ZNHIT6: variants seen among roughly 807,000 people sequenced by gnomAD.
ZNHIT6 encodes the protein zinc finger HIT-type containing 6.
In ZNHIT6, 45 loss-of-function variants were observed where a neutral mutation model predicts 57.2. That is an observed-to-expected ratio of 0.79 (90% CI 0.62 to 1.01). The LOEUF (loss-of-function observed/expected upper bound fraction) is 1.01, where lower values mean the gene tolerates loss of function less well. ZNHIT6 is among the 50% of genes least tolerant of loss of function. The pLI is 0.00. For synonymous variants in ZNHIT6, 188 were observed against 190.0 expected, an observed-to-expected ratio of 0.99 and a Z score of 0.09; for missense variants, 528 against 567.3, an observed-to-expected ratio of 0.93 and a Z score of 0.70.
At chr1:85,689,144 GA>G (rs1360938852) in intron 5 of ZNHIT6, among the ~76,000 whole-genome samples, 1 of 151,918 alleles carries the variant, frequency 6.6e-6, no homozygotes, top group Non-Finnish European at 1.5e-5. Context: ...GAAATTTCAG[GA>G]AAAAAATTTG....
At chr1:85,670,530 C>T (rs1435585503) in intron 8 of ZNHIT6, among the ~76,000 whole-genome samples, 1 of 152,138 alleles carries the variant, frequency 6.6e-6, no homozygotes, top group Non-Finnish European at 1.5e-5. Context: ...TAACACAACT[C>T]TGCAGGAAAT....
intron 5 of ZNHIT6, among the ~76,000 whole-genome samples, chr1:85,687,273 G>T (rs1477021625): frequency 3.7e-5 from 1 of 27,320 alleles, no homozygotes; most frequent in Non-Finnish European, 8.6e-5. Context: ...AGAGTGAGAA[G>T]ACTATCTCAA....
At chr1:85,682,558 G>A (rs1412829666) in intron 5 of ZNHIT6, among the ~76,000 whole-genome samples, 6 of 151,954 alleles carry the variant, frequency 3.9e-5, no homozygotes, top group South Asian at 2.1e-4. Flanking sequence ...AAAAGCCCTC[G>A]GAAATCATTT....
At position 85,706,435 on chromosome 1, in the gene ZNHIT6, T is replaced by C. The variant is rs776041191; in HGVS notation, c.722+7A>G. On this transcript the variant is annotated splice_region_variant and intron_variant, in intron 2 of 9. Transcript: ENST00000370574. Reference sequence around the variant, plus strand: ...ACAGGTTAAAAGGTAGGAAGTTACATGTATACCTGCAGGAATATCGCATAC... The same window carrying C: ...ACAGGTTAAAAGGTAGGAAGTTACACGTATACCTGCAGGAATATCGCATAC... 3 of 1,612,854 alleles carry C rather than the reference T, an allele frequency of 1.9e-6. No individual in the cohort carries two copies. The highest frequency in any genetic ancestry group is 2.2e-5 in the South Asian group (2 of 90,852).
In ZNHIT6 at chr1:85,672,156, T is replaced by C. The variant is rs17128074; in HGVS notation, c.1247+5080A>G. 9.4e-3 allele frequency among the ~76,000 whole-genome samples: 1,428 copies of C among 152,230 alleles called. 58 individuals are homozygous for C. Among genetic ancestry groups the C allele is most frequent in the Admixed American group, 0.063 (956 of 15,276 alleles). The stretch of plus-strand genomic sequence containing the variant: ...AAATGATGCCACCCCTACATGAAAC[T>C]CAACATGCTCTTAGCCTCTCCAGAC... On this transcript the variant is annotated intron_variant, in intron 8 of 9. Transcript: ENST00000370574.
At chr1:85,686,960 T>G (rs1662058224) in intron 5 of ZNHIT6, among the ~76,000 whole-genome samples, 1 of 151,892 alleles carries the variant, frequency 6.6e-6, no homozygotes, top group African/African-American at 2.4e-5. Context: ...CACAATTAAA[T>G]GAATAAATAA....
At chr1:85,701,214 T>C (rs80007948) in intron 5 of ZNHIT6, among the ~76,000 whole-genome samples, 4,819 of 152,314 alleles carry the variant, frequency 0.032, 81 homozygotes, top group East Asian at 0.08. Flanking sequence ...ATAATTCTGA[T>C]GGCTTTGTCT....
intron 4 of ZNHIT6, among the ~76,000 whole-genome samples, chr1:85,704,775 G>A (rs753250337): frequency 4.6e-5 from 7 of 152,020 alleles, no homozygotes; most frequent in Non-Finnish European, 8.8e-5. Flanking sequence ...TGTTTAAAAG[G>A]TATTAAAATT....
chr1:85,681,722 C>T (rs145113904), intron 5 of ZNHIT6, among the ~76,000 whole-genome samples: 1 of 152,054 alleles, frequency 6.6e-6, no homozygotes, highest in African/African-American at 2.4e-5. Flanking sequence ...TATCTTTCAC[C>T]AAACATCTAT....
Position 85,708,415 on chromosome 1 carries a change from T to A in ZNHIT6, c.-131A>T. 1 of 1,194,680 alleles carries A rather than the reference T, an allele frequency of 8.4e-7. No individual in the cohort carries two copies. Among genetic ancestry groups the A allele is most frequent in the Admixed American group, 2.7e-5 (1 of 37,360 alleles). The allele number at this position is 1,194,680 out of a possible 1,614,324, so 74.0% of individuals were successfully genotyped here. A position where few individuals can be genotyped will look rare whatever the true frequency, so the allele number is the denominator to read the frequency against. ...GAGCCAAGCAGCCACAAACCCGGAA[T>A]AGCCTGCTTGACGCGACTGCTCGAA... On this transcript the variant is annotated 5_prime_UTR_variant, in exon 1 of 10. Coordinates refer to ENST00000370574, the MANE Select transcript of ZNHIT6 (RefSeq NM_017953.4).
intron 8 of ZNHIT6, among the ~76,000 whole-genome samples, chr1:85,672,587 C>T (rs1010161315): frequency 3.3e-5 from 5 of 152,102 alleles, no homozygotes; most frequent in African/African-American, 1.2e-4. Context: ...CATGAGGATA[C>T]CTGCTACCTT....
intron 8 of ZNHIT6, among the ~76,000 whole-genome samples, chr1:85,674,071 T>C (rs1398578562): frequency 6.6e-6 from 1 of 152,220 alleles, no homozygotes; most frequent in Non-Finnish European, 1.5e-5. Flanking sequence ...TTTCTGACAT[T>C]ATTATTGCTG....
chr1:85,692,629 C>T (rs1399407354), intron 5 of ZNHIT6, among the ~76,000 whole-genome samples: 1 of 151,798 alleles, frequency 6.6e-6, no homozygotes, highest in East Asian at 1.9e-4. Flanking sequence ...AACTGCTAAA[C>T]CCATCATTTC....
chr1:85,695,558 T>C (rs935514105), intron 5 of ZNHIT6, among the ~76,000 whole-genome samples: 1 of 152,138 alleles, frequency 6.6e-6, no homozygotes, highest in Non-Finnish European at 1.5e-5. Context: ...AAACAAATAA[T>C]TGATTAAAAG....
rs753902823 is a variant in ZNHIT6, at chr1:85,657,980, T to A, written c.1248-9A>T. On this transcript the variant is annotated splice_polypyrimidine_tract_variant and intron_variant, in intron 8 of 9. Coordinates refer to ENST00000370574, the MANE Select transcript of ZNHIT6 (RefSeq NM_017953.4). ...GATCTAGTTCATAATATCTTATTAA[T>A]AAAAAAAAACAAAAAACCAGGAAAC... is the stretch of plus-strand genomic sequence containing the variant. The A allele has an allele frequency of 1.1e-5, 16 of 1,410,320 alleles. No individual in the cohort carries two copies. The highest frequency in any genetic ancestry group is 9.2e-5 in the Admixed American group (4 of 43,420). 87.4% of individuals were successfully genotyped at this position (1,410,320 alleles called of 1,614,324 possible).
In ZNHIT6 at chr1:85,677,246, T is replaced by G. The variant is rs766585077; in HGVS notation, c.1237A>C (p.Asn413His). The change falls in exon 8 of 10, where the codon AAT (asparagine) becomes CAT (histidine). Residue 413 changes from asparagine (N) to histidine (H), a missense_variant. By Grantham distance (68) the Asn-to-His change is moderately conservative. Transcript: ENST00000370574. ...GGGGAGCAATTTTACCTTACTAAAT[T>G]TTGCTGCATATATTCAATCTTCATT... is the stretch of plus-strand genomic sequence containing the variant. ...ILMKIEYMQQ[N>H]LVRYYELDPY... 6.2e-7 allele frequency: 1 copy of G among 1,602,750 alleles called. No homozygotes were observed. Among genetic ancestry groups the G allele is most frequent in the Admixed American group, 1.7e-5 (1 of 57,500 alleles).
intron 5 of ZNHIT6, 119 bp from the exon 6 acceptor site, chr1:85,681,023 T>A: frequency 1.5e-6 from 1 of 669,230 alleles, no homozygotes; most frequent in Non-Finnish European, 2.4e-6. Flanking sequence ...CTTTAACATA[T>A]ATTTTCTATT....
intron 4 of ZNHIT6, 44 bp downstream of exon 4, chr1:85,706,034 A>T: frequency 2.1e-6 from 3 of 1,430,224 alleles, no homozygotes; most frequent in Non-Finnish European, 1.9e-6. Flanking sequence ...AATCTAATTG[A>T]TTTGAAGGAC....
intron 8 of ZNHIT6, among the ~76,000 whole-genome samples, chr1:85,661,039 C>A (rs530446517): frequency 3.9e-5 from 6 of 152,290 alleles, no homozygotes; most frequent in Admixed American, 6.5e-5. Flanking sequence ...AATCTTTTAG[C>A]TGAAATTCTG....
Sources: allele counts gnomAD v4.1 joint callset (sites outside exome capture counted in the v4.1 genomes callset), GRCh38; gene constraint gnomAD v4.1.1; transcripts MANE v1.5; gene names NCBI Gene and HGNC (gene_info 2026-07-23, HGNC 2026-07-21).